The following HORMAD2 variants were observed in gnomAD, a reference collection of about 807,000 sequenced individuals.
HORMAD2 encodes the protein HORMA domain-containing protein 2.
Under a neutral mutation model 38.8 loss-of-function variants are expected in HORMAD2, and 45 were observed. That is an observed-to-expected ratio of 1.16 (90% CI 0.91 to 1.49). HORMAD2 has a LOEUF of 1.49. Ranked by LOEUF, HORMAD2 falls within the 40% of genes most tolerant of loss-of-function variation. The pLI, the probability that HORMAD2 is intolerant of heterozygous loss-of-function variation, is 0.00. For synonymous variants in HORMAD2, 126 were observed against 122.8 expected (o/e 1.03, Z -0.17); for missense variants, 338 against 367.0 (o/e 0.92, Z 0.65).
intron 10 of HORMAD2, among the ~76,000 whole-genome samples, chr22:30,167,039 T>C (rs970871894): frequency 1.2e-4 from 19 of 152,204 alleles, no homozygotes; most frequent in African/African-American, 4.6e-4. Flanking sequence ...AAAAGCAATA[T>C]GAGTGGTCTG....
At chr22:30,139,254 C>CTA (rs3067131) in intron 10 of HORMAD2, among the ~76,000 whole-genome samples, 14,138 of 96,294 alleles carry the variant, frequency 0.15, 975 homozygotes, top group Non-Finnish European at 0.17. Context: ...ATGAACTGTA[C>CTA]TATATATATA....
chr22:30,108,461 C>A (rs190949189), intron 5 of HORMAD2, among the ~76,000 whole-genome samples: 2 of 152,236 alleles, frequency 1.3e-5, no homozygotes, highest in Admixed American at 6.5e-5. Flanking sequence ...ATATATTGTT[C>A]CTCTTGCCTG....
intron 7 of HORMAD2, among the ~76,000 whole-genome samples, chr22:30,118,588 C>A (rs1423884593): frequency 3.3e-5 from 5 of 152,154 alleles, no homozygotes; most frequent in Admixed American, 6.5e-5. Context: ...AAACAGGGAC[C>A]TTTTCTGTCT....
chr22:30,177,238 G>T (rs1266669243), downstream of HORMAD2, among the ~76,000 whole-genome samples: 1 of 152,120 alleles, frequency 6.6e-6, no homozygotes, highest in Non-Finnish European at 1.5e-5. Context: ...AAACTCTCAG[G>T]TTCAGGCACT....
chr22:30,116,962 A>T (rs569796343), intron 7 of HORMAD2, among the ~76,000 whole-genome samples: 2 of 152,344 alleles, frequency 1.3e-5, no homozygotes, highest in African/African-American at 4.8e-5. Flanking sequence ...TCTGGAGTGA[A>T]CCTGTTGCTA....
chr22:30,173,758 A>G (rs1431796856), intron 10 of HORMAD2, among the ~76,000 whole-genome samples: 1 of 152,204 alleles, frequency 6.6e-6, no homozygotes, highest in Non-Finnish European at 1.5e-5. Context: ...GGATGAGATC[A>G]CTCAGGGAGG....
intron 7 of HORMAD2, among the ~76,000 whole-genome samples, chr22:30,117,070 T>C (rs1407676819): frequency 2.0e-5 from 3 of 152,226 alleles, no homozygotes; most frequent in African/African-American, 7.2e-5. Context: ...ATTCAGAAAA[T>C]ACTTTTATCT....
chr22:30,101,355 G>A (rs1000569441), intron 3 of HORMAD2, among the ~76,000 whole-genome samples: 5 of 151,580 alleles, frequency 3.3e-5, no homozygotes, highest in African/African-American at 1.2e-4. Context: ...TGTTATGTAT[G>A]TTCTCACTCA....
At position 30,093,925 on chromosome 22, in the gene HORMAD2, G is replaced by T. The variant is rs766088349; in HGVS notation, c.-28G>T. 21 of 1,549,596 alleles carry T rather than the reference G, an allele frequency of 1.4e-5. No homozygotes were observed. Among genetic ancestry groups the T allele is most frequent in the Non-Finnish European group, 1.9e-5 (21 of 1,130,640 alleles). ...AATTATTTTTTAATAGGTTGGACTT[G>T]TTGAAATAATCCTGATACATTCCTA... On this transcript the variant is annotated 5_prime_UTR_variant, in exon 2 of 11. Coordinates refer to ENST00000336726, the MANE Select transcript of HORMAD2 (RefSeq NM_152510.4).
chr22:30,119,009 C>A lies in HORMAD2; in HGVS notation c.372C>A (p.Phe124Leu). 1 of 1,590,356 alleles carries A rather than the reference C, an allele frequency of 6.3e-7. No individual in the cohort carries two copies. Among genetic ancestry groups the A allele is most frequent in the Non-Finnish European group, 8.6e-7 (1 of 1,167,384 alleles). Reference protein sequence around the residue: ...EKVTEMYQFKFKYTKEGATMD... With the variant: ...EKVTEMYQFKLKYTKEGATMD... The stretch of plus-strand genomic sequence containing the variant: ...TGACTGAGATGTACCAGTTCAAATT[C>A]AAATACACGAAAGAAGGAGCCACTA... The change falls in exon 8 of 11, where the codon TTC (phenylalanine) becomes TTA (leucine). Residue 124 changes from phenylalanine to leucine, a missense_variant. Physicochemically the swap from Phe to Leu is conservative, Grantham distance 22. Coordinates refer to ENST00000336726, the MANE Select transcript of HORMAD2 (RefSeq NM_152510.4).
At chr22:30,186,596 T>G in the HORMAD2 span, among the ~76,000 whole-genome samples, 1 of 152,208 alleles carries the variant, frequency 6.6e-6, no homozygotes, top group Non-Finnish European at 1.5e-5. Context: ...GAACTAATTC[T>G]GCCTCATCAT....
chr22:30,111,849 T>A (rs1029639447), intron 6 of HORMAD2, 33 bp downstream of exon 6: 3 of 1,533,428 alleles, frequency 2.0e-6, no homozygotes, highest in Non-Finnish European at 2.7e-6. Context: ...ACCAAGCCTC[T>A]GTCTCTATTT....
Position 30,112,339 on chromosome 22 carries a change from T to C in HORMAD2, c.316-157T>C, listed in dbSNP as rs1311779894. On this transcript the variant is annotated intron_variant, in intron 6 of 10. Transcript: ENST00000336726. ...TGTTCACAGAATATTCTAAAGACTC[T>C]ACATTCACAAAATAAGCATATCCTA... Among the ~76,000 whole-genome samples, 3 of 152,292 alleles carry C rather than the reference T, an allele frequency of 2.0e-5. No individual in the cohort carries two copies. In the South Asian group the frequency reaches 6.2e-4, roughly 32 times the overall value.
At chr22:30,117,216 C>T (rs1017912943) in intron 7 of HORMAD2, among the ~76,000 whole-genome samples, 1 of 152,146 alleles carries the variant, frequency 6.6e-6, no homozygotes, top group African/African-American at 2.4e-5. Flanking sequence ...CTTAAAGTAA[C>T]AGAAACACTG....
At chr22:30,166,084 A>T (rs1370925526) in intron 10 of HORMAD2, among the ~76,000 whole-genome samples, 1 of 151,412 alleles carries the variant, frequency 6.6e-6, no homozygotes, top group Non-Finnish European at 1.5e-5. Flanking sequence ...TTTCTCTTTC[A>T]GATGACTATT....
chr22:30,117,848 T>C (rs1295790287), intron 7 of HORMAD2, among the ~76,000 whole-genome samples: 3 of 152,170 alleles, frequency 2.0e-5, no homozygotes, highest in Non-Finnish European at 4.4e-5. Context: ...AATCTATCTC[T>C]TATGAGGAAA....
intron 10 of HORMAD2, among the ~76,000 whole-genome samples, chr22:30,130,476 G>C (rs1474251230): frequency 2.0e-5 from 3 of 151,916 alleles, no homozygotes; most frequent in Non-Finnish European, 4.4e-5. Context: ...GGAATCCCGG[G>C]ACAATACAGG....
intron 10 of HORMAD2, among the ~76,000 whole-genome samples, chr22:30,132,656 T>C (rs1176917120): frequency 1.3e-5 from 2 of 152,236 alleles, no homozygotes; most frequent in Admixed American, 6.5e-5. Flanking sequence ...TATTTCCAAT[T>C]AATTTTTCTG....
At chr22:30,155,281 G>A (rs898827211) in intron 10 of HORMAD2, among the ~76,000 whole-genome samples, 1 of 152,096 alleles carries the variant, frequency 6.6e-6, no homozygotes, top group African/African-American at 2.4e-5. Flanking sequence ...GTTTATAGAA[G>A]AGTACTTAGC....
Sources: allele counts gnomAD v4.1 joint callset (sites outside exome capture counted in the v4.1 genomes callset), GRCh38; gene constraint gnomAD v4.1.1; transcripts MANE v1.5; gene names NCBI Gene and HGNC (gene_info 2026-07-23, HGNC 2026-07-21).